The following PAPPA2 variants were observed in gnomAD, a reference collection of about 807,000 sequenced individuals.
PAPPA2 encodes pappalysin 2.
In PAPPA2, 86 loss-of-function variants were observed where a neutral mutation model predicts 176.4. The observed-to-expected ratio is 0.49, with a 90% CI of 0.41 to 0.58. PAPPA2 has a LOEUF of 0.58. Among genes scored for constraint, PAPPA2 ranks in the 20% least tolerant of loss-of-function variants. The pLI, the probability that PAPPA2 is intolerant of heterozygous loss-of-function variation, is 0.00. For synonymous variants in PAPPA2, 809 were observed against 852.2 expected (o/e 0.95, Z 0.88); for missense variants, 2,073 against 2,256.9 (o/e 0.92, Z 1.65).
At chr1:176,803,476 C>T (rs1423846077) in intron 21 of PAPPA2, among the ~76,000 whole-genome samples, 4 of 152,154 alleles carry the variant, frequency 2.6e-5, no homozygotes, top group African/African-American at 9.7e-5. Context: ...GGAAATCGGT[C>T]ATACCAATAA....
At chr1:176,537,938 G>T (rs1430206504) in intron 1 of PAPPA2, among the ~76,000 whole-genome samples, 1 of 151,822 alleles carries the variant, frequency 6.6e-6, no homozygotes, top group Non-Finnish European at 1.5e-5. Flanking sequence ...TCTTCTACTG[G>T]AGTTATGTGT....
chr1:176,623,599 C>CTTTT (rs1237104082), intron 3 of PAPPA2, among the ~76,000 whole-genome samples: 10 of 141,786 alleles, frequency 7.1e-5, no homozygotes, highest in East Asian at 2.1e-4. Context: ...TCCTTCCTTC[C>CTTTT]TTCCTTCCTT....
intron 3 of PAPPA2, among the ~76,000 whole-genome samples, chr1:176,654,065 T>C (rs1168999722): frequency 6.6e-6 from 1 of 151,724 alleles, no homozygotes; most frequent in South Asian, 2.1e-4. Context: ...TTAAGTCTCA[T>C]ATTTGTCTAT....
chr1:176,574,878 A>G (rs955094929), intron 2 of PAPPA2, among the ~76,000 whole-genome samples: 2 of 152,212 alleles, frequency 1.3e-5, no homozygotes, highest in East Asian at 1.9e-4. Flanking sequence ...ACAGTTGCCT[A>G]CAGTATCCAG....
chr1:176,690,675 C>A (rs1660077877), intron 5 of PAPPA2: 2 of 1,307,666 alleles, frequency 1.5e-6, no homozygotes, highest in African/African-American at 1.5e-5. Context: ...AAATATACTT[C>A]TATCCTCGAT....
rs117119069 is a variant in PAPPA2, at chr1:176,570,976, A to T, written c.919+13735A>T. On this transcript the variant is annotated intron_variant, in intron 2 of 22. Transcript: ENST00000367662. ...ACTGTTCTCCCTTCCTGAAAGTCCA[A>T]GCTGCTTAGCAGTGGAAGCCTTCAG... 8.5e-5 allele frequency among the ~76,000 whole-genome samples: 13 copies of T among 152,100 alleles called. No homozygotes were observed. In the East Asian group the frequency reaches 2.5e-3, roughly 30 times the overall value.
chr1:176,802,364 C>A (rs912711795), intron 21 of PAPPA2, among the ~76,000 whole-genome samples: 1 of 151,894 alleles, frequency 6.6e-6, no homozygotes, highest in Non-Finnish European at 1.5e-5. Context: ...TGCAAAGAGG[C>A]GGGTGAAAAT....
intron 21 of PAPPA2, among the ~76,000 whole-genome samples, chr1:176,808,291 G>T (rs973759411): frequency 1.4e-4 from 22 of 152,248 alleles, no homozygotes; most frequent in African/African-American, 5.1e-4. Flanking sequence ...AATACCTCAG[G>T]TGCTTCTAAT....
At chr1:176,837,829 A>G (rs1189674186) in intron 21 of PAPPA2, among the ~76,000 whole-genome samples, 1 of 152,220 alleles carries the variant, frequency 6.6e-6, no homozygotes, top group African/African-American at 2.4e-5. Context: ...TTTGGGATCA[A>G]TTAGTCATTT....
chr1:176,808,246 T>A (rs1665991820), intron 21 of PAPPA2, among the ~76,000 whole-genome samples: 1 of 152,230 alleles, frequency 6.6e-6, no homozygotes, highest in African/African-American at 2.4e-5. Flanking sequence ...TTATGTCAAG[T>A]CAGGTGTGAA....
chr1:176,838,891 A>G (rs191072676), intron 21 of PAPPA2, among the ~76,000 whole-genome samples: 1 of 152,366 alleles, frequency 6.6e-6, no homozygotes, highest in East Asian at 1.9e-4. Flanking sequence ...TGTTCAAATG[A>G]CATCAGGATC....
At chr1:176,627,857 T>C (rs1338973144) in intron 3 of PAPPA2, among the ~76,000 whole-genome samples, 3 of 152,188 alleles carry the variant, frequency 2.0e-5, no homozygotes, top group Non-Finnish European at 2.9e-5. Flanking sequence ...GGTGAGAACT[T>C]GCTTAAATGC....
chr1:176,596,221 C>T (rs112443105), intron 3 of PAPPA2, among the ~76,000 whole-genome samples: 3 of 152,260 alleles, frequency 2.0e-5, no homozygotes, highest in Non-Finnish European at 2.9e-5. Flanking sequence ...TGTCATTTCT[C>T]GTCTTAAGAT....
chr1:176,627,970 G>A (rs1282463559), intron 3 of PAPPA2, among the ~76,000 whole-genome samples: 2 of 152,198 alleles, frequency 1.3e-5, no homozygotes, highest in Admixed American at 1.3e-4. Context: ...GCAGGGAAGA[G>A]AAGGTATGAA....
chr1:176,500,442 A>G (rs1197934404), intron 1 of PAPPA2, among the ~76,000 whole-genome samples: 4 of 149,756 alleles, frequency 2.7e-5, no homozygotes, highest in East Asian at 1.9e-4. Context: ...TTGAATTTTA[A>G]AAGAAAAGTT....
At chr1:176,791,903 G>A (rs1273398616) in intron 19 of PAPPA2, among the ~76,000 whole-genome samples, 5 of 152,206 alleles carry the variant, frequency 3.3e-5, no homozygotes, top group Admixed American at 2.0e-4. Flanking sequence ...AATGCAAGTT[G>A]ACTCTTAGCT....
At chr1:176,710,489 G>C (rs1661094780) in intron 11 of PAPPA2, among the ~76,000 whole-genome samples, 1 of 152,120 alleles carries the variant, frequency 6.6e-6, no homozygotes, top group South Asian at 2.1e-4. Context: ...AGTATAAATT[G>C]ATTTAAAGAA....
chr1:176,526,092 A>G (rs764628112), intron 1 of PAPPA2, among the ~76,000 whole-genome samples: 1 of 152,184 alleles, frequency 6.6e-6, no homozygotes, highest in Admixed American at 6.5e-5. Flanking sequence ...AGGGCTTACA[A>G]TAACTCTGAA....
Position 176,479,289 on chromosome 1 carries a change from T to G in PAPPA2, c.-917+15871T>G, listed in dbSNP as rs1652277615. Among the ~76,000 whole-genome samples, 3 of 152,130 alleles carry G rather than the reference T, an allele frequency of 2.0e-5. No homozygotes were observed. The South Asian group carries it at 6.2e-4, about 32-fold the overall frequency. ...TAGAACCATCTCTTTTGGATCTAAC[T>G]GGTTTTTGGCTTGTTGTTCTTCTTG... On this transcript the variant is annotated intron_variant, in intron 1 of 22. Coordinates refer to ENST00000367662, the MANE Select transcript of PAPPA2 (RefSeq NM_020318.3).
Sources: gnomAD v4.1 joint callset for allele counts (sites outside exome capture counted in the v4.1 genomes callset) on GRCh38, gnomAD v4.1.1 for gene constraint, MANE v1.5 for transcripts, NCBI Gene and HGNC (gene_info 2026-07-23, HGNC 2026-07-21) for gene names.